Variants in TRPC3 observed in about 807,000 individuals in gnomAD.
TRPC3 encodes short transient receptor potential channel 3.
A neutral mutation model predicts 90.9 loss-of-function variants in TRPC3; 54 were observed. The observed-to-expected ratio is 0.59, with a 90% confidence interval of 0.48 to 0.75. The LOEUF (loss-of-function observed/expected upper bound fraction) is 0.75, where lower values mean the gene tolerates loss of function less well. TRPC3 is among the 30% of genes least tolerant of loss of function. TRPC3 has a pLI of 0.00. For synonymous variants in TRPC3, 424 were observed against 450.9 expected, an observed-to-expected ratio of 0.94 and a Z score of 0.75; for missense variants, 918 against 1,194.5, an observed-to-expected ratio of 0.77 and a Z score of 3.41.
rs751669005 is a variant in TRPC3 at position 121,882,370 on chromosome 4, A to C, written c.2607T>G (p.Asn869Lys). ...YVLKAQVDKE[N>K]DEVNEGELKE... is the part of the protein sequence containing the mutation. The stretch of plus-strand genomic sequence containing the variant: ...GATGCTTACCTTCATTAACTTCATC[A>C]TTTTCTTTGTCTACTTGTGCTTTCA... Residue 869 changes from asparagine to lysine, a missense_variant, in exon 11 of 12, where the codon AAT (asparagine) becomes AAG (lysine). By Grantham distance (94) the Asn-to-Lys change is moderately conservative (BLOSUM62 0). This residue lies in a region of TRPC3 where 41 missense variants were observed against 69.4 expected (regional missense o/e 0.59). Transcript: ENST00000379645. The C allele has an allele frequency of 1.1e-5, 17 of 1,609,610 alleles. No homozygotes were observed. The African/African-American group carries it at 2.0e-4, about 19-fold the overall frequency.
rs1727758784 is a variant in TRPC3 at position 121,876,269 on chromosome 4, G to A, written c.*3467C>T. On this transcript the variant is annotated 3_prime_UTR_variant, in exon 12 of 12. Transcript: ENST00000379645. Reference sequence around the variant, plus strand: ...TAAAGACTAGCCTGGACAACATAGTGAGACCCGCCTCTAAAAATGTATTTT... The same window carrying A: ...TAAAGACTAGCCTGGACAACATAGTAAGACCCGCCTCTAAAAATGTATTTT... Among the ~76,000 whole-genome samples the A allele has an allele frequency of 6.6e-6, 1 of 151,914 alleles. No individual in the cohort carries two copies. The highest frequency in any genetic ancestry group is 2.4e-5 in the African/African-American group (1 of 41,432).
At chr4:121,894,553 C>CTTTT (rs1449620809) in intron 10 of TRPC3, among the ~76,000 whole-genome samples, 21 of 65,554 alleles carry the variant, frequency 3.2e-4, no homozygotes, top group African/African-American at 4.7e-4. Context: ...AGTACACATT[C>CTTTT]TGTTTTTTTT....
At chr4:121,898,054 A>G (rs906134059) in intron 10 of TRPC3, among the ~76,000 whole-genome samples, 1 of 152,236 alleles carries the variant, frequency 6.6e-6, no homozygotes, top group Non-Finnish European at 1.5e-5. Flanking sequence ...CCAGGAACAT[A>G]AAGTTAAGCA....
chr4:121,907,206 A>G, intron 7 of TRPC3, 97 bp downstream of exon 7: 1 of 1,171,404 alleles, frequency 8.5e-7, no homozygotes, highest in Middle Eastern at 3.0e-4. Context: ...GTGCTTAAAA[A>G]CATCTTTATT....
At chr4:121,927,653 C>G (rs186776913) in intron 2 of TRPC3, among the ~76,000 whole-genome samples, 2 of 152,044 alleles carry the variant, frequency 1.3e-5, no homozygotes, top group Admixed American at 6.5e-5. Context: ...CTAAAATAAA[C>G]AAGAAGAAGA....
intron 9 of TRPC3, among the ~76,000 whole-genome samples, chr4:121,902,491 A>AGAG (rs113433849): frequency 0.1 from 15,346 of 152,214 alleles, 1,679 homozygotes; most frequent in African/African-American, 0.27. Flanking sequence ...ACATAAACCA[A>AGAG]GAAGGCTAGA....
At position 121,928,317 on chromosome 4, in the gene TRPC3, A is replaced by G. The variant is rs1241659862; in HGVS notation, c.988-3111T>C. On this transcript the variant is annotated intron_variant, in intron 2 of 11. Coordinates refer to ENST00000379645, the MANE Select transcript of TRPC3 (RefSeq NM_001130698.2). Reference sequence around the variant, plus strand: ...TAACAATTTAAACATTTCCCACTTGAAGAAGTCTGTTGCCAGAGTGCAGAA... The same window carrying G: ...TAACAATTTAAACATTTCCCACTTGGAGAAGTCTGTTGCCAGAGTGCAGAA... Among the ~76,000 whole-genome samples, 21 of 152,240 alleles carry G rather than the reference A, an allele frequency of 1.4e-4. No individual in the cohort carries two copies. In the East Asian group the frequency reaches 4.0e-3, roughly 29 times the overall value.
intron 6 of TRPC3, 98 bp from the exon 7 acceptor site, chr4:121,907,665 T>C: frequency 7.4e-7 from 1 of 1,350,218 alleles, no homozygotes; most frequent in Non-Finnish European, 1.0e-6. Flanking sequence ...TGTAGGTAGG[T>C]GGTTACCATC....
chr4:121,882,486 C>A, intron 10 of TRPC3, 57 bp from the exon 11 acceptor site: 1 of 1,531,688 alleles, frequency 6.5e-7, no homozygotes. Flanking sequence ...TGCCCCAATC[C>A]TATTTTCCAA....
intron 9 of TRPC3, 48 bp from the exon 10 acceptor site, chr4:121,899,743 G>T: frequency 7.4e-7 from 1 of 1,360,234 alleles, no homozygotes; most frequent in Non-Finnish European, 1.0e-6. Flanking sequence ...CATTCATTTG[G>T]AATAAAAAAT....
intron 7 of TRPC3, among the ~76,000 whole-genome samples, 181 bp downstream of exon 7, chr4:121,907,122 A>C (rs962225204): frequency 6.6e-6 from 1 of 152,066 alleles, no homozygotes; most frequent in African/African-American, 2.4e-5. Flanking sequence ...TCAAACTCTC[A>C]CTAAGCTCAG....
At position 121,912,226 on chromosome 4, in the gene TRPC3, A is replaced by G. The variant is rs569975638; in HGVS notation, c.1342-133T>C. The G allele has an allele frequency of 3.9e-5, 27 of 685,564 alleles. 1 individual carries two copies. The South Asian group carries it at 4.3e-4, about 11-fold the overall frequency. The allele number at this position is 685,564 out of a possible 1,614,324, so 42.5% of individuals were successfully genotyped here. A position where few individuals can be genotyped will look rare whatever the true frequency, so the allele number is the denominator to read the frequency against. On this transcript the variant is annotated intron_variant, in intron 4 of 11. Coordinates refer to ENST00000379645, the MANE Select transcript of TRPC3 (RefSeq NM_001130698.2). ...TCTGCTTCTGTTTCCAAAAAGCTTT[A>G]TATTATGAAAAATATTCTTTTTTAG...
In TRPC3 at chr4:121,877,570, A is replaced by G. The variant is rs563662908; in HGVS notation, c.*2166T>C. On this transcript the variant is annotated 3_prime_UTR_variant, in exon 12 of 12. Coordinates refer to ENST00000379645, the MANE Select transcript of TRPC3 (RefSeq NM_001130698.2). ...AACTGCACAGGAGAATCTGGGAGAC[A>G]GGTGCACTGGTCCAGTAGAGGGCAT... Among the ~76,000 whole-genome samples the G allele has an allele frequency of 6.6e-6, 1 of 152,264 alleles. No individual in the cohort carries two copies. Among genetic ancestry groups the G allele is most frequent in the African/African-American group, 2.4e-5 (1 of 41,550 alleles).
chr4:121,901,479 G>C (rs184663268), intron 9 of TRPC3, among the ~76,000 whole-genome samples: 188 of 152,344 alleles, frequency 1.2e-3, no homozygotes, highest in African/African-American at 4.3e-3. Flanking sequence ...GTCAGTTAAT[G>C]TGACCTTGCA....
intron 11 of TRPC3, among the ~76,000 whole-genome samples, chr4:121,880,479 T>G (rs1374843786): frequency 6.6e-6 from 1 of 152,074 alleles, no homozygotes; most frequent in Non-Finnish European, 1.5e-5. Flanking sequence ...AACAGTGCAA[T>G]TGAGGAGTTT....
chr4:121,917,742 T>A (rs1046373080), intron 3 of TRPC3, among the ~76,000 whole-genome samples: 1 of 152,178 alleles, frequency 6.6e-6, no homozygotes, highest in Non-Finnish European at 1.5e-5. Flanking sequence ...CAGATATAAA[T>A]AAAAGGCATC....
intron 10 of TRPC3, 64 bp downstream of exon 10, chr4:121,899,548 A>AAC: frequency 7.3e-7 from 1 of 1,372,172 alleles, no homozygotes; most frequent in Non-Finnish European, 1.0e-6. Context: ...CACACACACA[A>AAC]ACACACACGC....
intron 4 of TRPC3, among the ~76,000 whole-genome samples, chr4:121,913,236 C>G (rs567787242): frequency 6.6e-6 from 1 of 152,290 alleles, no homozygotes; most frequent in African/African-American, 2.4e-5. Flanking sequence ...GGTAGCTTAT[C>G]CGTAGCACAT....
chr4:121,900,786 C>T (rs980872056), intron 9 of TRPC3, among the ~76,000 whole-genome samples: 4 of 151,988 alleles, frequency 2.6e-5, no homozygotes, highest in African/African-American at 9.7e-5. Context: ...AAAATGAAAT[C>T]AAAATTTTAT....
Sources: allele counts gnomAD v4.1 joint callset (sites outside exome capture counted in the v4.1 genomes callset), GRCh38; gene constraint gnomAD v4.1.1; regional missense constraint gnomAD v4.1.1; transcripts MANE v1.5; gene names NCBI Gene and HGNC (gene_info 2026-07-23, HGNC 2026-07-21).